DHX32: variants seen among roughly 807,000 people sequenced by gnomAD.
DHX32 encodes DEAH-box helicase 32 (putative).
Under a neutral mutation model 70.0 loss-of-function variants are expected in DHX32, and 51 were observed. That is an observed-to-expected ratio of 0.73 (90% CI 0.58 to 0.92). DHX32 has a LOEUF of 0.92. Among genes scored for constraint, DHX32 ranks in the 40% least tolerant of loss-of-function variants. The pLI, the probability that DHX32 is intolerant of heterozygous loss-of-function variation, is 0.00. For synonymous variants in DHX32, 310 were observed against 315.3 expected (o/e 0.98, Z 0.18); for missense variants, 762 against 891.8 (o/e 0.85, Z 1.85).
chr10:125,866,733 G>A lies in DHX32; in HGVS notation c.476+257C>T, dbSNP rs1944222448. Among the ~76,000 whole-genome samples the A allele has an allele frequency of 6.6e-6, 1 of 152,262 alleles. No homozygotes were observed. Among genetic ancestry groups the A allele is most frequent in the Admixed American group, 6.5e-5 (1 of 15,284 alleles). Reference sequence around the variant, plus strand: ...GGCATAGCTCCAGAAGCACACGCTTGAAGGTTCTGAGGGGCCAAGCAAGTT... The same window carrying A: ...GGCATAGCTCCAGAAGCACACGCTTAAAGGTTCTGAGGGGCCAAGCAAGTT... On this transcript the variant is annotated intron_variant, in intron 2 of 10. Transcript: ENST00000284690. The surrounding 1 kb of genome is among the most constrained non-coding windows in gnomAD (Gnocchi z 4.8).
intron 6 of DHX32, chr10:125,842,722 C>A: frequency 1.6e-6 from 1 of 637,146 alleles, no homozygotes; most frequent in Non-Finnish European, 2.0e-6. Flanking sequence ...AAATTAATCA[C>A]AACTGACCTG....
At chr10:125,842,188 C>G in intron 6 of DHX32, 1 of 416,752 alleles carries the variant, frequency 2.4e-6, no homozygotes, top group Non-Finnish European at 4.1e-6. Flanking sequence ...CGGGGGGAAC[C>G]CAGGTGGAGC....
chr10:125,853,740 G>T (rs1250638619), intron 4 of DHX32: 2 of 504,628 alleles, frequency 4.0e-6, no homozygotes, highest in Non-Finnish European at 6.8e-6. Context: ...TCCTTTGGCA[G>T]CTCAATCAAT....
intron 4 of DHX32, chr10:125,853,525 C>T (rs1183682445): frequency 4.6e-6 from 1 of 219,128 alleles, no homozygotes; most frequent in Admixed American, 5.7e-5. Context: ...ATACTTGAAA[C>T]AAGTTTCTAG....
chr10:125,836,901 G>T, intron 10 of DHX32, 46 bp from the exon 11 acceptor site: 1 of 1,559,470 alleles, frequency 6.4e-7, no homozygotes, highest in Non-Finnish European at 8.8e-7. Flanking sequence ...GGGGAAGGTG[G>T]TGAGAGACAC....
intron 1 of DHX32, among the ~76,000 whole-genome samples, chr10:125,869,941 C>A (rs958019687): frequency 6.6e-6 from 1 of 152,086 alleles, no homozygotes; most frequent in African/African-American, 2.4e-5. Context: ...AATAAAACCA[C>A]GGGAAAATTA....
At position 125,894,370 on chromosome 10, in the gene DHX32, A is replaced by G. The variant is rs528790884; in HGVS notation, c.-248+1848T>C. On this transcript the variant is annotated intron_variant, in intron 1 of 2. Coordinates refer to the DHX32 transcript ENST00000415732. ...GTACATTGCACAAGGTGATAGAGGA[A>G]GAGAAACTGAATATTGTCCCTGCCT... 2.0e-5 allele frequency among the ~76,000 whole-genome samples: 3 copies of G among 152,336 alleles called. No individual in the cohort carries two copies. In the East Asian group the frequency reaches 5.8e-4, roughly 29 times the overall value.
chr10:125,841,550 GATA>G (rs760541218), intron 7 of DHX32, 190 bp downstream of exon 7: 128 of 1,426,034 alleles, frequency 9.0e-5, no homozygotes, highest in Middle Eastern at 2.5e-4. Flanking sequence ...GTTTTCTTAA[GATA>G]ATTTTTCATA....
chr10:125,880,873 T>C lies in DHX32; in HGVS notation c.-49A>G, dbSNP rs1944313291. ...AGCTGACATTCCACAAGCAAGTTTC[T>C]CCTATCAGTAACCCATTGCAAACAG... On this transcript the variant is annotated 5_prime_UTR_variant, in exon 1 of 11. Transcript: ENST00000284690. 1.3e-6 allele frequency: 2 copies of C among 1,577,852 alleles called. No homozygotes were observed. Among genetic ancestry groups the C allele is most frequent in the Non-Finnish European group, 1.7e-6 (2 of 1,164,678 alleles).
At chr10:125,854,304 A>G in intron 3 of DHX32, 101 bp from the exon 4 acceptor site, 1 of 1,207,846 alleles carries the variant, frequency 8.3e-7, no homozygotes, top group Admixed American at 3.2e-5. Context: ...ACTACGTAAC[A>G]GATACAGGGA....
intron 1 of DHX32, among the ~76,000 whole-genome samples, chr10:125,889,193 G>A (rs1298631635): frequency 6.6e-6 from 1 of 152,146 alleles, no homozygotes; most frequent in Non-Finnish European, 1.5e-5. Flanking sequence ...CATTTATTTA[G>A]ATTTTCACTT....
intron 2 of DHX32, among the ~76,000 whole-genome samples, chr10:125,865,048 T>G (rs1239708637): frequency 1.3e-5 from 2 of 148,924 alleles, no homozygotes; most frequent in African/African-American, 4.9e-5. Context: ...CATTAAAGAA[T>G]CCTTTTAAAG....
chr10:125,854,316 A>G (rs1944127741), intron 3 of DHX32, 113 bp from the exon 4 acceptor site: 1 of 1,083,720 alleles, frequency 9.2e-7, no homozygotes, highest in Admixed American at 3.3e-5. Context: ...ATACAGGGAA[A>G]GAAATCCCTG....
chr10:125,852,836 T>C (rs1332372427), intron 4 of DHX32, among the ~76,000 whole-genome samples, 194 bp from the exon 5 acceptor site: 1 of 152,252 alleles, frequency 6.6e-6, no homozygotes, highest in African/African-American at 2.4e-5. Context: ...ATAAATGGAT[T>C]TAAAGGTTGT....
rs1160769498 is a variant in DHX32, at chr10:125,880,644, C to T, written c.181G>A (p.Asp61Asn). ...RYYKLLKERE[D>N]LPIWKEKYSF... The stretch of plus-strand genomic sequence containing the variant: ...TATTTTTCTTTCCATATAGGAAGAT[C>T]TTCTCTTTCTTTCAGAAGTTTATAA... Residue 61 changes from aspartate (D) to asparagine (N), a missense_variant, in exon 1 of 11, where the codon GAT (aspartate) becomes AAT (asparagine). Around this residue, in one of 3 missense-constraint regions of DHX32, gnomAD observed 394 missense variants for 473.1 expected, o/e 0.83. Transcript: ENST00000284690. 1 of 1,614,146 alleles carries T rather than the reference C, an allele frequency of 6.2e-7. No individual in the cohort carries two copies. The highest frequency in any genetic ancestry group is 8.5e-7 in the Non-Finnish European group (1 of 1,180,014).
Position 125,836,659 on chromosome 10 carries a change from C to G in DHX32, c.*28G>C, listed in dbSNP as rs1854694857. ...TCAGCCATCCAGCTACCTTTGGGACCCTGCTGCACCTTGTGTTTGCTGGGG... is the reference window on the plus strand; with the variant it reads ...TCAGCCATCCAGCTACCTTTGGGACGCTGCTGCACCTTGTGTTTGCTGGGG... On this transcript the variant is annotated 3_prime_UTR_variant, in exon 11 of 11. Transcript: ENST00000284690. 1 of 1,602,462 alleles carries G rather than the reference C, an allele frequency of 6.2e-7. No individual in the cohort carries two copies. The highest frequency in any genetic ancestry group is 8.5e-7 in the Non-Finnish European group (1 of 1,173,288).
At chr10:125,865,927 C>A (rs1944217740) in intron 2 of DHX32, among the ~76,000 whole-genome samples, 1 of 152,218 alleles carries the variant, frequency 6.6e-6, no homozygotes, top group Non-Finnish European at 1.5e-5. Context: ...CGAACATCCT[C>A]CTGGGGATGA....
At chr10:125,862,977 C>T (rs1047098462) in intron 2 of DHX32, among the ~76,000 whole-genome samples, 6 of 151,302 alleles carry the variant, frequency 4.0e-5, no homozygotes, top group African/African-American at 9.7e-5. Context: ...CTAATAAGTA[C>T]GTAAAAAAAA....
chr10:125,856,286 A>G (rs1407057729), intron 3 of DHX32, among the ~76,000 whole-genome samples: 2 of 152,364 alleles, frequency 1.3e-5, no homozygotes, highest in South Asian at 2.1e-4. Context: ...AAGATCCACA[A>G]CTGCATAAAA....
Sources: gnomAD v4.1 joint callset for allele counts (sites outside exome capture counted in the v4.1 genomes callset) on GRCh38, gnomAD v4.1.1 for gene constraint, gnomAD v4.1.1 regional missense constraint, Gnocchi (gnomAD v3.1) non-coding constraint, MANE v1.5 for transcripts, NCBI Gene and HGNC (gene_info 2026-07-23, HGNC 2026-07-21) for gene names.